Variants in C14orf93 observed in about 807,000 individuals in gnomAD.
C14orf93 encodes the protein uncharacterized protein C14orf93.
A neutral mutation model predicts 44.0 loss-of-function variants in C14orf93; 23 were observed. That is an observed-to-expected ratio of 0.52 (90% CI 0.38 to 0.74). The LOEUF (loss-of-function observed/expected upper bound fraction) is 0.74, where lower values mean the gene tolerates loss of function less well. C14orf93 is among the 30% of genes least tolerant of loss of function. The pLI is 0.00. For missense variants in C14orf93, 579 were observed against 678.9 expected, an observed-to-expected ratio of 0.85 and a Z score of 1.64; for synonymous variants, 253 against 265.7, an observed-to-expected ratio of 0.95 and a Z score of 0.46.
At chr14:22,992,946 C>G (rs1419426532) in intron 3 of C14orf93, among the ~76,000 whole-genome samples, 2 of 152,012 alleles carry the variant, frequency 1.3e-5, no homozygotes, top group Non-Finnish European at 2.9e-5. Context: ...GTGGTGTGGT[C>G]TCAGCTCACT....
chr14:22,992,841 C>T (rs1279593224), intron 3 of C14orf93, among the ~76,000 whole-genome samples: 1 of 151,424 alleles, frequency 6.6e-6, no homozygotes, highest in African/African-American at 2.4e-5. Flanking sequence ...CCTCGGCTTC[C>T]CAAAGTGCTG....
chr14:23,009,596 T>C (rs1332087734), intron 1 of C14orf93, among the ~76,000 whole-genome samples: 1 of 152,136 alleles, frequency 6.6e-6, no homozygotes, highest in African/African-American at 2.4e-5. Context: ...AATATCCCAA[T>C]ATTAACTTAT....
chr14:22,990,140 AAAG>A lies in C14orf93; in HGVS notation c.919-16_919-14del, dbSNP rs1220372580. 1.2e-6 allele frequency: 2 copies of A among 1,609,368 alleles called. No homozygotes were observed. Among genetic ancestry groups the A allele is most frequent in the African/African-American group, 2.7e-5 (2 of 74,776 alleles). On this transcript the variant is annotated splice_polypyrimidine_tract_variant and intron_variant, in intron 3 of 6. Transcript: ENST00000299088. ...TGTGGACCAGTTTCTAGGAGGAAAAAAAGAAAACACAATCAAGCCAAGAGTGGA... is the reference window on the plus strand; with the variant it reads ...TGTGGACCAGTTTCTAGGAGGAAAAAAAAACACAATCAAGCCAAGAGTGGA...
chr14:23,003,247 A>ACATT (rs2046399104), intron 1 of C14orf93, among the ~76,000 whole-genome samples: 1 of 152,224 alleles, frequency 6.6e-6, no homozygotes, highest in Admixed American at 6.5e-5. Context: ...AACTAGGTAC[A>ACATT]GTGTGGTCTA....
intron 1 of C14orf93, chr14:23,005,467 A>G (rs2046578214): frequency 6.6e-6 from 1 of 152,196 alleles, no homozygotes; most frequent in Non-Finnish European, 1.5e-5. Flanking sequence ...AGTCTCTAAA[A>G]AATAAATAAA....
rs566291473 is a variant in C14orf93 at position 23,002,176 on chromosome 14, C to T, written c.-379-2774G>A. ...AAAAAAAAAAAAAAGGGTGGCCGGG[C>T]GTGGTAGCTCACACCTGTAATCCCA... On this transcript the variant is annotated intron_variant, in intron 1 of 6. Coordinates refer to ENST00000299088, the MANE Select transcript of C14orf93 (RefSeq NM_021944.4). Among the ~76,000 whole-genome samples the T allele has an allele frequency of 1.0e-4, 15 of 148,326 alleles. No homozygotes were observed. In the East Asian group the frequency reaches 2.6e-3, roughly 25 times the overall value.
rs2046133728 is a variant in C14orf93, at chr14:22,998,629, C to T, written c.395G>A (p.Gly132Glu). ...EEPGPLKESP[G>E]EAFKALSAVE... is the part of the protein sequence containing the mutation. The stretch of plus-strand genomic sequence containing the variant: ...GGCAGACAGAGCCTTAAAGGCTTCC[C>T]CGGGACTTTCCTTGAGAGGCCCAGG... Residue 132 changes from glycine to glutamate, a missense_variant, in exon 2 of 7, where the codon GGG becomes GAG. Gly to Glu is a moderately conservative substitution (Grantham distance 98, BLOSUM62 -2). Transcript: ENST00000299088. The T allele has an allele frequency of 1.2e-6, 2 of 1,613,960 alleles. No homozygotes were observed. Among genetic ancestry groups the T allele is most frequent in the Non-Finnish European group, 1.7e-6 (2 of 1,179,822 alleles).
intron 2 of C14orf93, chr14:22,998,170 A>G (rs1314828651): frequency 9.3e-6 from 4 of 428,026 alleles, no homozygotes; most frequent in Non-Finnish European, 1.2e-5. Flanking sequence ...AGAAGGTGCC[A>G]TGCGGAGCTA....
rs2045224963 is a variant in C14orf93, at chr14:22,986,303, C to T, written c.*912G>A. Reference sequence around the variant, plus strand: ...CCCTTATCACAGTTCATTTCATTGCCTACTCCACTGCCTGGCTTCCTGACT... The same window carrying T: ...CCCTTATCACAGTTCATTTCATTGCTTACTCCACTGCCTGGCTTCCTGACT... On this transcript the variant is annotated 3_prime_UTR_variant, in exon 7 of 7. Coordinates refer to ENST00000299088, the MANE Select transcript of C14orf93 (RefSeq NM_021944.4). 1 of 152,312 alleles carries T rather than the reference C, an allele frequency of 6.6e-6. No individual in the cohort carries two copies. The highest frequency in any genetic ancestry group is 2.1e-4 in the South Asian group (1 of 4,834). 9.4% of individuals were successfully genotyped at this position (152,312 alleles called of 1,614,324 possible).
rs188203110 is a variant in C14orf93 at position 23,003,320 on chromosome 14, C to T, written c.-379-3918G>A. Among the ~76,000 whole-genome samples, 366 of 152,304 alleles carry T rather than the reference C, an allele frequency of 2.4e-3. 1 individual carries two copies. The highest frequency in any genetic ancestry group is 8.4e-3 in the African/African-American group (348 of 41,552). ...ATGGACACTATTGCTGACTTCATTT[C>T]CCAGCCTCTTGCTATAGTCTCTCAC... On this transcript the variant is annotated intron_variant, in intron 1 of 6. Transcript: ENST00000299088.
At position 22,995,971 on chromosome 14, in the gene C14orf93, G is replaced by A. The variant is rs1389323910; in HGVS notation, c.895C>T (p.Arg299Cys). 7.5e-6 allele frequency: 12 copies of A among 1,601,696 alleles called. No homozygotes were observed. Among genetic ancestry groups the A allele is most frequent in the Admixed American group, 6.8e-5 (4 of 58,750 alleles). ...TRGSGQKNSR[R>C]KRDLVLSKLV... ...ACAGAGAGTACAAGATCCCGCTTGC[G>A]CCTGGAGTTCTTCTGCCCACTTCCT... Residue 299 changes from arginine (R) to cysteine (C), a missense_variant, in exon 3 of 7, where the codon CGC becomes TGC. By Grantham distance (180) the Arg-to-Cys change is radical. Transcript: ENST00000299088.
At position 22,988,021 on chromosome 14, in the gene C14orf93, G is replaced by A. The variant is rs904947724; in HGVS notation, c.1085-6C>T. 5.6e-6 allele frequency: 9 copies of A among 1,600,188 alleles called. No individual in the cohort carries two copies. The highest frequency in any genetic ancestry group is 3.3e-5 in the South Asian group (3 of 90,486). Reference sequence around the variant, plus strand: ...GAAGTAGGCCACACAGGCTCCTGGCGGGGAGGGAAGGAAGGGAGCAAGAAG... The same window carrying A: ...GAAGTAGGCCACACAGGCTCCTGGCAGGGAGGGAAGGAAGGGAGCAAGAAG... On this transcript the variant is annotated splice_polypyrimidine_tract_variant and splice_region_variant and intron_variant, in intron 5 of 6. Coordinates refer to ENST00000299088, the MANE Select transcript of C14orf93 (RefSeq NM_021944.4).
In C14orf93 at chr14:22,989,922, CA is replaced by C. The variant is rs1413509221; in HGVS notation, c.981-78del. Reference sequence around the variant, plus strand: ...ACAAACAGAGATACCCAGCACTAATCAACTTTGTGGCAAATCCCTCCACAGC... The same window carrying C: ...ACAAACAGAGATACCCAGCACTAATCACTTTGTGGCAAATCCCTCCACAGC... On this transcript the variant is annotated intron_variant, in intron 4 of 6. Coordinates refer to ENST00000299088, the MANE Select transcript of C14orf93 (RefSeq NM_021944.4). The C allele has an allele frequency of 6.8e-6, 10 of 1,476,058 alleles. No homozygotes were observed. In the African/African-American group the frequency reaches 1.4e-4, roughly 21 times the overall value. The allele number at this position is 1,476,058 out of a possible 1,614,324, so 91.4% of individuals were successfully genotyped here. A position where few individuals can be genotyped will look rare whatever the true frequency, so the allele number is the denominator to read the frequency against.
At chr14:22,991,110 G>T (rs1278908907) in intron 3 of C14orf93, among the ~76,000 whole-genome samples, 1 of 150,362 alleles carries the variant, frequency 6.7e-6, no homozygotes, top group African/African-American at 2.4e-5. Flanking sequence ...AAGCCACTGC[G>T]CCCGGCCCCT....
intron 1 of C14orf93, among the ~76,000 whole-genome samples, chr14:23,007,486 C>A (rs1434599745): frequency 6.6e-6 from 1 of 152,206 alleles, no homozygotes; most frequent in Non-Finnish European, 1.5e-5. Flanking sequence ...GCCTCGGTTA[C>A]ATTTCTTTCA....
Position 23,009,855 on chromosome 14 carries a change from G to GA in C14orf93, c.-380+245dup, listed in dbSNP as rs966650479. Among the ~76,000 whole-genome samples, 44 of 150,410 alleles carry GA rather than the reference G, an allele frequency of 2.9e-4. 1 individual carries two copies. The highest frequency in any genetic ancestry group is 1.7e-3 in the South Asian group (8 of 4,758). On this transcript the variant is annotated intron_variant, in intron 1 of 6. Coordinates refer to ENST00000299088, the MANE Select transcript of C14orf93 (RefSeq NM_021944.4). ...TTCTTAAAATGTGATTTAAAAAAAA[G>GA]AAAAAAAAACTATAAATTTGGCCGG...
intron 1 of C14orf93, among the ~76,000 whole-genome samples, chr14:23,003,883 TA>T (rs1566696911): frequency 9.7e-3 from 165 of 17,022 alleles, no homozygotes; most frequent in Non-Finnish European, 0.013. Context: ...TATATATATA[TA>T]TATATATATA....
At chr14:22,989,950 T>C in intron 4 of C14orf93, 105 bp from the exon 5 acceptor site, 1 of 1,412,678 alleles carries the variant, frequency 7.1e-7, no homozygotes, top group Non-Finnish European at 1.0e-6. Flanking sequence ...CTCCACAGCC[T>C]AAGAAGGTAT....
At chr14:22,998,211 A>T in intron 2 of C14orf93, 1 of 628,406 alleles carries the variant, frequency 1.6e-6, no homozygotes, top group Non-Finnish European at 2.5e-6. Context: ...CCCCATCACT[A>T]CACACAGCAA....
Sources: allele counts gnomAD v4.1 joint callset (sites outside exome capture counted in the v4.1 genomes callset), GRCh38; gene constraint gnomAD v4.1.1; transcripts MANE v1.5; gene names NCBI Gene and HGNC (gene_info 2026-07-23, HGNC 2026-07-21).